Variants in MYH11 observed in about 807,000 individuals in gnomAD.
MYH11 encodes the protein myosin heavy chain 11.
In MYH11, 80 loss-of-function variants were observed where a neutral mutation model predicts 246.6. That is an observed-to-expected ratio of 0.32 (90% CI 0.27 to 0.39). MYH11 has a LOEUF of 0.39. Among genes scored for constraint, MYH11 ranks in the 10% least tolerant of loss-of-function variants. The pLI is 1.00. For synonymous variants in MYH11, 1,071 were observed against 1,015.5 expected (o/e 1.05, Z -1.04); for missense variants, 2,158 against 2,546.8 (o/e 0.85, Z 3.29).
chr16:15,756,764 G>A (rs1329557955), intron 13 of MYH11, among the ~76,000 whole-genome samples: 1 of 151,028 alleles, frequency 6.6e-6, no homozygotes, highest in South Asian at 2.1e-4. Context: ...TGGGCAACAC[G>A]CAGGCAACAT....
At chr16:15,793,355 G>C (rs912603780) in intron 4 of MYH11, among the ~76,000 whole-genome samples, 34 of 151,972 alleles carry the variant, frequency 2.2e-4, no homozygotes, top group African/African-American at 8.0e-4. Flanking sequence ...GTGCAGTGGT[G>C]CCATCATAGC....
In MYH11 at chr16:15,717,262, G is replaced by A; in HGVS notation, c.5382C>T (p.Asn1794=). Reference sequence around the variant, plus strand: ...CGTGGAGCTTGCTCCGGAGCTCCTTGTTCTGCCGCTCGAGCTGCTGCCGGG... The same window carrying A: ...CGTGGAGCTTGCTCCGGAGCTCCTTATTCTGCCGCTCGAGCTGCTGCCGGG... ...ESARQQLERQ[N]KELRSKLHEM... Residue 1794 remains asparagine (N), a synonymous_variant, in exon 38 of 41, where the codon AAC becomes AAT. Coordinates refer to ENST00000300036, the MANE Select transcript of MYH11 (RefSeq NM_002474.3). 2 of 1,614,118 alleles carry A rather than the reference G, an allele frequency of 1.2e-6. No homozygotes were observed. The highest frequency in any genetic ancestry group is 2.2e-5 in the East Asian group (1 of 44,886).
intron 27 of MYH11, among the ~76,000 whole-genome samples, chr16:15,731,340 C>A (rs867251403): frequency 7.2e-5 from 11 of 152,134 alleles, no homozygotes; most frequent in Non-Finnish European, 1.3e-4. Context: ...CTGTCACTTA[C>A]CAGCAGTGTG....
intron 14 of MYH11, 22 bp downstream of exon 14, chr16:15,756,319 C>G: frequency 6.2e-7 from 1 of 1,613,478 alleles, no homozygotes; most frequent in Non-Finnish European, 8.5e-7. Context: ...AGACAGAGTC[C>G]CCTGGGCCCT....
chr16:15,801,071 T>C (rs1009906952), intron 3 of MYH11, among the ~76,000 whole-genome samples: 1 of 151,844 alleles, frequency 6.6e-6, no homozygotes, highest in Non-Finnish European at 1.5e-5. Flanking sequence ...TTGGGTGTCA[T>C]GGCACACGCT....
intron 1 of MYH11, among the ~76,000 whole-genome samples, chr16:15,843,995 C>G (rs2044123429): frequency 6.6e-6 from 1 of 152,022 alleles, no homozygotes; most frequent in East Asian, 1.9e-4. Flanking sequence ...CTAATTAACC[C>G]TAACATCACA....
chr16:15,812,954 G>C (rs1284604983), intron 3 of MYH11, among the ~76,000 whole-genome samples: 1 of 152,092 alleles, frequency 6.6e-6, no homozygotes, highest in Non-Finnish European at 1.5e-5. Flanking sequence ...ATCACCTGAG[G>C]TCAGGAGTTC....
At chr16:15,816,375 G>T (rs1210278333) in intron 3 of MYH11, among the ~76,000 whole-genome samples, 1 of 151,894 alleles carries the variant, frequency 6.6e-6, no homozygotes, top group Non-Finnish European at 1.5e-5. Flanking sequence ...GAGATTTTGG[G>T]GCAGAATTGG....
intron 3 of MYH11, among the ~76,000 whole-genome samples, chr16:15,820,242 T>G (rs9630619): frequency 6.6e-6 from 1 of 152,056 alleles, no homozygotes; most frequent in Admixed American, 6.5e-5. Context: ...TATGGGAGGC[T>G]GAGGCGGGCA....
rs538286835 is a variant in MYH11 at position 15,780,970 on chromosome 16, T to C, written c.726+1415A>G. 5.3e-5 allele frequency among the ~76,000 whole-genome samples: 8 copies of C among 152,304 alleles called. No individual in the cohort carries two copies. In the East Asian group the frequency reaches 1.5e-3, roughly 29 times the overall value. ...AGTGCCTGAACTTGACCCTTTTCCTTGTATTTGTAGCTGTCGCCGTGGATA... is the reference window on the plus strand; with the variant it reads ...AGTGCCTGAACTTGACCCTTTTCCTCGTATTTGTAGCTGTCGCCGTGGATA... On this transcript the variant is annotated intron_variant, in intron 6 of 40. Coordinates refer to ENST00000300036, the MANE Select transcript of MYH11 (RefSeq NM_002474.3).
chr16:15,837,807 G>A (rs2043939172), intron 2 of MYH11, 101 bp downstream of exon 2: 4 of 1,104,276 alleles, frequency 3.6e-6, no homozygotes, highest in Non-Finnish European at 5.5e-6. Flanking sequence ...AGTGCTGGGA[G>A]TACAGGCATG....
chr16:15,732,983 A>G, intron 26 of MYH11: 1 of 540,164 alleles, frequency 1.9e-6, no homozygotes, highest in African/African-American at 1.9e-5. Flanking sequence ...TGTGAACTGC[A>G]AAATTTTGCT....
chr16:15,750,243 G>A lies in MYH11; in HGVS notation c.1953C>T (p.Arg651=). 1.2e-6 allele frequency: 2 copies of A among 1,614,184 alleles called. No homozygotes were observed. Among genetic ancestry groups the A allele is most frequent in the Non-Finnish European group, 1.7e-6 (2 of 1,180,026 alleles). Residue 651 remains arginine, a synonymous_variant, in exon 16 of 41, where the codon CGC becomes CGT. Transcript: ENST00000300036. This position sits in a 1 kb window ranked among gnomAD's most constrained non-coding sequence, Gnocchi z 4.3. ...GCTCCTTGTACAGCTGCCCCACTGT[G>A]CGGAACATGCCCTTCTTGGTCTTGG... ...SASKTKKGMF[R]TVGQLYKEQL...
rs559826713 is a variant in MYH11 at position 15,716,050 on chromosome 16, G to T, written c.5505-778C>A. Among the ~76,000 whole-genome samples the T allele has an allele frequency of 2.0e-5, 3 of 152,196 alleles. No individual in the cohort carries two copies. In the East Asian group the frequency reaches 5.8e-4, roughly 29 times the overall value. ...GGTGAGGCGGAGGTTGCAGTGAGCT[G>T]AGATCGCACCACTGCACACCAGCCT... is the stretch of plus-strand genomic sequence containing the variant. On this transcript the variant is annotated intron_variant, in intron 38 of 40. Transcript: ENST00000300036.
intron 5 of MYH11, chr16:15,784,964 G>T (rs2042434736): frequency 4.6e-6 from 2 of 438,232 alleles, no homozygotes; most frequent in Admixed American, 3.8e-5. Context: ...CTCCCAAGTA[G>T]CTAAGACTAC....
At chr16:15,769,021 A>G (rs2042041597) in intron 9 of MYH11, among the ~76,000 whole-genome samples, 1 of 149,974 alleles carries the variant, frequency 6.7e-6, no homozygotes, top group Non-Finnish European at 1.5e-5. Flanking sequence ...AAACAAAACA[A>G]AAAACCCCAG....
chr16:15,747,820 GC>G (rs2041460172), intron 18 of MYH11, 53 bp downstream of exon 18: 2 of 1,612,354 alleles, frequency 1.2e-6, no homozygotes, highest in Admixed American at 1.7e-5. Flanking sequence ...ACCAAGAGCA[GC>G]AGGTGGCTTG....
chr16:15,720,625 G>A (rs560934210), intron 33 of MYH11, among the ~76,000 whole-genome samples: 225 of 151,840 alleles, frequency 1.5e-3, no homozygotes, highest in African/African-American at 3.0e-3. Context: ...GGTGGCATGC[G>A]CCTGTAATCC....
At chr16:15,824,328 A>T (rs1353118170) in intron 2 of MYH11, among the ~76,000 whole-genome samples, 4 of 151,430 alleles carry the variant, frequency 2.6e-5, no homozygotes, top group African/African-American at 9.7e-5. Flanking sequence ...CCCAGGCTGC[A>T]GTGTAGTGGG....
Sources: gnomAD v4.1 joint callset for allele counts (sites outside exome capture counted in the v4.1 genomes callset) on GRCh38, gnomAD v4.1.1 for gene constraint, Gnocchi (gnomAD v3.1) non-coding constraint, MANE v1.5 for transcripts, NCBI Gene and HGNC (gene_info 2026-07-23, HGNC 2026-07-21) for gene names.